Variants in SPON1 observed in about 807,000 individuals in gnomAD.
The protein encoded by SPON1 is spondin-1.
SPON1 carries 52 observed loss-of-function variants against 111.7 expected under a neutral mutation model. The ratio of observed to expected loss-of-function variants is 0.47; its 90% CI spans 0.37 to 0.59. SPON1 has a LOEUF of 0.59. Ranked by LOEUF, SPON1 falls within the 20% of genes least tolerant of loss-of-function variation. The pLI, the probability that SPON1 is intolerant of heterozygous loss-of-function variation, is 0.00. For missense variants in SPON1, 957 were observed against 1,068.5 expected (o/e 0.90, Z 1.46); for synonymous variants, 410 against 395.8 (o/e 1.04, Z -0.43).
At chr11:14,013,146 G>A (rs187343555) in intron 2 of SPON1, among the ~76,000 whole-genome samples, 159 of 152,266 alleles carry the variant, frequency 1.0e-3, no homozygotes, top group Non-Finnish European at 1.9e-3. Flanking sequence ...TGCCAGCTGG[G>A]AATAGAGATC....
intron 5 of SPON1, among the ~76,000 whole-genome samples, chr11:14,134,028 C>T (rs1168676511): frequency 6.8e-6 from 1 of 148,070 alleles, no homozygotes; most frequent in Non-Finnish European, 1.5e-5. Flanking sequence ...TGTTCAGAAC[C>T]ACTTTCTTTC....
intron 3 of SPON1, among the ~76,000 whole-genome samples, chr11:14,043,580 A>C (rs1554917545): frequency 6.6e-6 from 1 of 152,218 alleles, no homozygotes. Context: ...CTCAGTGCCC[A>C]TCCCACTACC....
In SPON1 at chr11:14,201,397, AT is replaced by A. The variant is rs1158279809; in HGVS notation, c.826-41922del. On this transcript the variant is annotated intron_variant, in intron 6 of 15. Transcript: ENST00000576479. ...CTACCAACTTCATAGCATTAGTTTGATTTTTTTTTTTTTCTTTTTGAGACAA... is the reference window on the plus strand; with the variant it reads ...CTACCAACTTCATAGCATTAGTTTGATTTTTTTTTTTTCTTTTTGAGACAA... Among the ~76,000 whole-genome samples, 1,051 of 145,960 alleles carry A rather than the reference AT, an allele frequency of 7.2e-3. 4 individuals carry two copies. The highest frequency in any genetic ancestry group is 0.021 in the African/African-American group (853 of 39,914).
In SPON1 at chr11:14,102,791, G is replaced by T. The variant is rs1849154155; in HGVS notation, c.676+22770G>T. On this transcript the variant is annotated intron_variant, in intron 5 of 15. Coordinates refer to ENST00000576479, the MANE Select transcript of SPON1 (RefSeq NM_006108.4). ...ATTCAGGTTGTGCATCTTTGGCAGG[G>T]ATACCACAGCCATTATGGATATTTG... Among the ~76,000 whole-genome samples the T allele has an allele frequency of 2.0e-5, 3 of 152,146 alleles. No homozygotes were observed. In the South Asian group the frequency reaches 6.2e-4, roughly 32 times the overall value.
chr11:14,172,797 C>G (rs1224757566), intron 6 of SPON1, among the ~76,000 whole-genome samples: 3 of 151,914 alleles, frequency 2.0e-5, no homozygotes, highest in African/African-American at 4.8e-5. Context: ...AAATTCTTTT[C>G]TTTAAGAATG....
intron 2 of SPON1, among the ~76,000 whole-genome samples, chr11:13,994,237 A>T (rs782314743): frequency 6.6e-6 from 1 of 152,194 alleles, no homozygotes; most frequent in African/African-American, 2.4e-5. Flanking sequence ...CCTAAGCTTA[A>T]TCAGTCCCCT....
chr11:14,008,639 T>C (rs1848381927), intron 2 of SPON1, among the ~76,000 whole-genome samples: 1 of 152,088 alleles, frequency 6.6e-6, no homozygotes, highest in Non-Finnish European at 1.5e-5. Flanking sequence ...TTTCCTCACT[T>C]CTTCTCCTAC....
At chr11:14,264,174 C>A (rs1849229663) in intron 15 of SPON1, among the ~76,000 whole-genome samples, 1 of 152,122 alleles carries the variant, frequency 6.6e-6, no homozygotes, top group African/African-American at 2.4e-5. Context: ...GAGGACAAGG[C>A]AGGCAGGAAA....
intron 5 of SPON1, among the ~76,000 whole-genome samples, chr11:14,102,727 CCTT>C (rs1554924502): frequency 2.6e-5 from 4 of 152,180 alleles, no homozygotes; most frequent in East Asian, 1.9e-4. Flanking sequence ...TGTAGACTCT[CCTT>C]CTGTCTGGGG....
At chr11:13,979,168 G>A (rs1048207469) in intron 1 of SPON1, among the ~76,000 whole-genome samples, 2 of 152,064 alleles carry the variant, frequency 1.3e-5, no homozygotes, top group Non-Finnish European at 2.9e-5. Flanking sequence ...CATGCCTCTC[G>A]CCTGGCTTCT....
At chr11:14,209,917 C>G (rs1171239124) in intron 6 of SPON1, among the ~76,000 whole-genome samples, 12 of 152,200 alleles carry the variant, frequency 7.9e-5, no homozygotes, top group African/African-American at 2.7e-4. Flanking sequence ...TCCTCTCCAG[C>G]ATCTGTTGTT....
chr11:14,152,763 C>T (rs1847803068), intron 6 of SPON1, among the ~76,000 whole-genome samples: 1 of 152,168 alleles, frequency 6.6e-6, no homozygotes, highest in African/African-American at 2.4e-5. Context: ...CTGCATAATG[C>T]ATTCAAGAAT....
chr11:14,024,633 G>A (rs1440565776), intron 2 of SPON1, among the ~76,000 whole-genome samples: 1 of 152,172 alleles, frequency 6.6e-6, no homozygotes, highest in Non-Finnish European at 1.5e-5. Context: ...AAGGTCTCGG[G>A]TTTATATGGG....
intron 5 of SPON1, among the ~76,000 whole-genome samples, chr11:14,083,094 A>G (rs1257056081): frequency 1.3e-5 from 2 of 152,242 alleles, no homozygotes; most frequent in Admixed American, 1.3e-4. Context: ...AAATAAACCT[A>G]GTAAATTAAA....
intron 5 of SPON1, among the ~76,000 whole-genome samples, chr11:14,119,237 G>A (rs1554926269): frequency 1.3e-5 from 2 of 152,172 alleles, no homozygotes; most frequent in African/African-American, 4.8e-5. Flanking sequence ...AGGACTGCAG[G>A]TACTTCGTGT....
At chr11:13,990,274 G>A (rs1364794682) in intron 2 of SPON1, among the ~76,000 whole-genome samples, 1 of 150,090 alleles carries the variant, frequency 6.7e-6, no homozygotes, top group East Asian at 2.0e-4. Flanking sequence ...TCTTCTTGCT[G>A]CATTGATCCC....
intron 6 of SPON1, among the ~76,000 whole-genome samples, chr11:14,177,478 T>C (rs1848190975): frequency 6.6e-6 from 1 of 152,162 alleles, no homozygotes; most frequent in Non-Finnish European, 1.5e-5. Flanking sequence ...ACAAGATCAA[T>C]GAGCCAGTTT....
intron 2 of SPON1, among the ~76,000 whole-genome samples, chr11:14,006,273 C>G (rs1399484667): frequency 6.6e-6 from 1 of 152,112 alleles, no homozygotes; most frequent in Non-Finnish European, 1.5e-5. Context: ...CTTTTAGTAC[C>G]TGCTAGCAGA....
At chr11:14,127,115 C>A (rs934430177) in intron 5 of SPON1, among the ~76,000 whole-genome samples, 1 of 152,090 alleles carries the variant, frequency 6.6e-6, no homozygotes, top group African/African-American at 2.4e-5. Context: ...TATTTATTGA[C>A]CCTATTTTAT....
Sources: gnomAD v4.1 joint callset for allele counts (sites outside exome capture counted in the v4.1 genomes callset) on GRCh38, gnomAD v4.1.1 for gene constraint, MANE v1.5 for transcripts, NCBI Gene and HGNC (gene_info 2026-07-23, HGNC 2026-07-21) for gene names.